Variants in ARHGAP24 observed in about 807,000 individuals in gnomAD.
ARHGAP24 encodes Rho GTPase activating protein 24.
ARHGAP24 carries 50 observed loss-of-function variants against 76.4 expected under a neutral mutation model. The observed-to-expected ratio is 0.65, with a 90% confidence interval of 0.52 to 0.83. ARHGAP24 has a LOEUF of 0.83. Among genes scored for constraint, ARHGAP24 ranks in the 40% least tolerant of loss-of-function variants. ARHGAP24 has a pLI of 0.00. For synonymous variants in ARHGAP24, 345 were observed against 323.3 expected, an observed-to-expected ratio of 1.07 and a Z score of -0.72; for missense variants, 930 against 914.2, an observed-to-expected ratio of 1.02 and a Z score of -0.22.
chr4:85,524,129 G>A (rs6836668), intron 1 of ARHGAP24, among the ~76,000 whole-genome samples: 16,925 of 151,972 alleles, frequency 0.11, 3,016 homozygotes, highest in African/African-American at 0.38. Context: ...TTCTCTACAC[G>A]TAACAGAGTT....
chr4:85,711,601 G>A (rs765845787), intron 2 of ARHGAP24, among the ~76,000 whole-genome samples: 1 of 152,124 alleles, frequency 6.6e-6, no homozygotes, highest in South Asian at 2.1e-4. Flanking sequence ...TCTTCCTGCT[G>A]AGACATTGTT....
At chr4:85,767,288 G>A (rs550335075) in intron 3 of ARHGAP24, among the ~76,000 whole-genome samples, 81 of 152,284 alleles carry the variant, frequency 5.3e-4, no homozygotes, top group Middle Eastern at 6.8e-3. Flanking sequence ...AAACTTAAAT[G>A]TCTCTCCAGA....
At chr4:85,633,978 C>G (rs1043581545) in intron 2 of ARHGAP24, among the ~76,000 whole-genome samples, 1 of 151,762 alleles carries the variant, frequency 6.6e-6, no homozygotes, top group African/African-American at 2.4e-5. Flanking sequence ...GGAACACTCC[C>G]CCTTCAGAAG....
chr4:85,807,727 G>A (rs893907558), intron 3 of ARHGAP24, among the ~76,000 whole-genome samples: 6 of 152,066 alleles, frequency 3.9e-5, no homozygotes, highest in African/African-American at 7.2e-5. Context: ...TCCAACCTTG[G>A]AGCCCAGAGG....
intron 5 of ARHGAP24, 182 bp downstream of exon 5, chr4:85,942,455 A>C: frequency 1.5e-6 from 1 of 651,104 alleles, no homozygotes; most frequent in Non-Finnish European, 2.6e-6. Context: ...GGCACCTTAG[A>C]TATCTTTCTC....
chr4:85,539,422 A>G (rs1414441561), intron 1 of ARHGAP24, among the ~76,000 whole-genome samples: 5 of 152,186 alleles, frequency 3.3e-5, no homozygotes, highest in Admixed American at 2.6e-4. Context: ...CAACATTTTA[A>G]TGTGAGTTAA....
At chr4:85,898,459 G>A (rs1734319103) in intron 3 of ARHGAP24, among the ~76,000 whole-genome samples, 1 of 152,152 alleles carries the variant, frequency 6.6e-6, no homozygotes, top group Admixed American at 6.5e-5. Flanking sequence ...CAAGATGACT[G>A]TCTCAGGCTG....
intron 2 of ARHGAP24, among the ~76,000 whole-genome samples, chr4:85,576,889 C>T (rs1025517494): frequency 3.3e-5 from 5 of 151,840 alleles, no homozygotes; most frequent in Non-Finnish European, 7.4e-5. Flanking sequence ...GTTACTAATT[C>T]GGATACATTG....
intron 2 of ARHGAP24, among the ~76,000 whole-genome samples, chr4:85,698,392 C>T (rs550184981): frequency 1.3e-5 from 2 of 152,128 alleles, no homozygotes; most frequent in African/African-American, 4.8e-5. Flanking sequence ...TCCAGAAATT[C>T]TTCAGAGAGA....
chr4:85,588,789 T>C (rs1336077845), intron 2 of ARHGAP24, among the ~76,000 whole-genome samples: 4 of 152,214 alleles, frequency 2.6e-5, no homozygotes, highest in Non-Finnish European at 4.4e-5. Flanking sequence ...ACAATTTTAG[T>C]ATTTTATTAT....
At chr4:85,545,591 C>T (rs556060939) in intron 1 of ARHGAP24, among the ~76,000 whole-genome samples, 81 of 152,284 alleles carry the variant, frequency 5.3e-4, no homozygotes, top group Non-Finnish European at 1.0e-3. Context: ...AGCCCTTTCA[C>T]GTTACTGCTT....
intron 3 of ARHGAP24, among the ~76,000 whole-genome samples, chr4:85,806,530 C>G (rs540878701): frequency 6.6e-6 from 1 of 152,134 alleles, no homozygotes; most frequent in Non-Finnish European, 1.5e-5. Flanking sequence ...GCTAGAAGAA[C>G]ATGACACCCT....
At chr4:85,556,275 C>G (rs2170418) in intron 1 of ARHGAP24, among the ~76,000 whole-genome samples, 86,187 of 151,922 alleles carry the variant, frequency 0.57, 26,113 homozygotes, top group Non-Finnish European at 0.68. Context: ...TACAGAGAGG[C>G]TGTTGGTTGC....
chr4:85,959,592 A>T (rs988338506), intron 5 of ARHGAP24, among the ~76,000 whole-genome samples: 2 of 152,104 alleles, frequency 1.3e-5, no homozygotes, highest in African/African-American at 2.4e-5. Context: ...CATTTTGTTT[A>T]TTCATCCGTC....
At chr4:85,821,890 A>G (rs1729488957) in intron 3 of ARHGAP24, among the ~76,000 whole-genome samples, 2 of 152,200 alleles carry the variant, frequency 1.3e-5, no homozygotes, top group South Asian at 2.1e-4. Flanking sequence ...TATTTTGGTT[A>G]CAGGCCAAAG....
chr4:85,889,936 T>A (rs1003294221), intron 3 of ARHGAP24, among the ~76,000 whole-genome samples: 1 of 152,184 alleles, frequency 6.6e-6, no homozygotes, highest in Non-Finnish European at 1.5e-5. Context: ...TTTTTTTAAT[T>A]GCCTCTTTTT....
At chr4:85,847,448 G>A (rs1316292976) in intron 3 of ARHGAP24, among the ~76,000 whole-genome samples, 1 of 152,118 alleles carries the variant, frequency 6.6e-6, no homozygotes, top group African/African-American at 2.4e-5. Context: ...ACTATGCCAG[G>A]CAGTAAGGGT....
In ARHGAP24 at chr4:85,593,680, A is replaced by G. The variant is rs10031920; in HGVS notation, c.180+22959A>G. 2.6e-3 allele frequency among the ~76,000 whole-genome samples: 392 copies of G among 152,144 alleles called. 1 individual carries two copies. The highest frequency in any genetic ancestry group is 8.9e-3 in the African/African-American group (368 of 41,530). On this transcript the variant is annotated intron_variant, in intron 2 of 9. Coordinates refer to ENST00000395184, the MANE Select transcript of ARHGAP24 (RefSeq NM_001025616.3). ...TCATTATTTTGCATATGAATATCCA[A>G]TTTTCCCAGAATGATTTATTGAAGA...
At chr4:85,729,552 G>A (rs1428265113) in intron 3 of ARHGAP24, among the ~76,000 whole-genome samples, 2 of 152,152 alleles carry the variant, frequency 1.3e-5, no homozygotes, top group Non-Finnish European at 2.9e-5. Context: ...GTCCCTATGA[G>A]GAGTGAGTGT....
Sources: gnomAD v4.1 joint callset for allele counts (sites outside exome capture counted in the v4.1 genomes callset) on GRCh38, gnomAD v4.1.1 for gene constraint, MANE v1.5 for transcripts, NCBI Gene and HGNC (gene_info 2026-07-23, HGNC 2026-07-21) for gene names.